RGS12: variants seen among roughly 807,000 people sequenced by gnomAD.
RGS12 encodes the protein regulator of G protein signaling 12, also known as regulator of G-protein signaling 12.
RGS12 carries 66 observed loss-of-function variants against 120.1 expected under a neutral mutation model. That is an observed-to-expected ratio of 0.55 (90% CI 0.45 to 0.67). The LOEUF (loss-of-function observed/expected upper bound fraction) is 0.67. Among genes scored for constraint, RGS12 ranks in the 30% least tolerant of loss-of-function variants. The probability of loss-of-function intolerance (pLI) is 0.00; values close to 1 mark genes in which losing one functional copy is unlikely to be tolerated. For synonymous variants in RGS12, 827 were observed against 804.7 expected (o/e 1.03, Z -0.47); for missense variants, 1,859 against 1,957.7 (o/e 0.95, Z 0.95).
chr4:3,439,627 C>A lies in RGS12; in HGVS notation c.4287C>A (p.Pro1429=). Residue 1429 remains proline (P), a synonymous_variant, in exon 18 of 18, where the codon CCC becomes CCA. Transcript: ENST00000336727. ...CATCAGACCTCCCTGGCTTGGGCCCCGTCCCGGGTGAGCCTGCTAAGCCCA... is the reference window on the plus strand; with the variant it reads ...CATCAGACCTCCCTGGCTTGGGCCCAGTCCCGGGTGAGCCTGCTAAGCCCA... ...PPTSDLPGLG[P]VPGEPAKPKT... 1 of 1,597,496 alleles carries A rather than the reference C, an allele frequency of 6.3e-7. No individual in the cohort carries two copies. The highest frequency in any genetic ancestry group is 1.1e-5 in the South Asian group (1 of 88,300).
At chr4:3,421,795 G>A (rs1723046659) in intron 10 of RGS12, among the ~76,000 whole-genome samples, 1 of 152,206 alleles carries the variant, frequency 6.6e-6, no homozygotes, top group Non-Finnish European at 1.5e-5. Flanking sequence ...CTCTTCATGG[G>A]AGGAGCCACA....
At chr4:3,309,999 AGGGGAACCGTGTGGG>A in intron 1 of RGS12, among the ~76,000 whole-genome samples, 1 of 126,610 alleles carries the variant, frequency 7.9e-6, no homozygotes. Flanking sequence ...GTGTCCGCTG[AGGGGAACCGTGTGGG>A]GGAGGAGCTG....
Position 3,316,395 on chromosome 4 carries a change from A to G in RGS12, c.225A>G (p.Ala75=). The part of the protein sequence containing the change: ...LAVNEINVKK[A]SHEDVVKLIG... ...TCAATGAAATCAACGTGAAAAAAGC[A>G]TCTCATGAAGATGTAGTGAAATTAA... is the stretch of plus-strand genomic sequence containing the variant. The change falls in exon 2 of 18, where the codon GCA becomes GCG. Residue 75 remains alanine, a synonymous_variant. Transcript: ENST00000336727. The G allele has an allele frequency of 1.2e-6, 2 of 1,614,026 alleles. No homozygotes were observed. The highest frequency in any genetic ancestry group is 1.7e-6 in the Non-Finnish European group (2 of 1,179,958).
At chr4:3,400,865 T>C (rs1271995352) in intron 4 of RGS12, among the ~76,000 whole-genome samples, 1 of 150,510 alleles carries the variant, frequency 6.6e-6, no homozygotes, top group Non-Finnish European at 1.5e-5. Context: ...AGTAATAGTA[T>C]ATATATTAGA....
intron 10 of RGS12, 149 bp downstream of exon 10, chr4:3,420,867 C>T: frequency 1.4e-6 from 1 of 732,902 alleles, no homozygotes; most frequent in Non-Finnish European, 2.2e-6. Context: ...CCGGCCCAGG[C>T]ACAGTGGCAA....
At chr4:3,405,498 G>A (rs1204865893) in intron 4 of RGS12, among the ~76,000 whole-genome samples, 2 of 152,200 alleles carry the variant, frequency 1.3e-5, no homozygotes, top group South Asian at 2.1e-4. Context: ...CCAGATGGAA[G>A]GAGACTGCAG....
intron 2 of RGS12, among the ~76,000 whole-genome samples, chr4:3,331,846 A>G (rs1297245909): frequency 6.6e-6 from 1 of 152,222 alleles, no homozygotes; most frequent in Non-Finnish European, 1.5e-5. Context: ...GAGGAGCCTC[A>G]TGGGCCTGCG....
the RGS12 span, among the ~76,000 whole-genome samples, chr4:3,286,979 G>T: frequency 7.9e-5 from 12 of 152,302 alleles, no homozygotes; most frequent in African/African-American, 2.9e-4. Flanking sequence ...CTATGATGGT[G>T]ATCTGGGACT....
At chr4:3,405,217 T>C (rs1720982653) in intron 4 of RGS12, among the ~76,000 whole-genome samples, 2 of 152,292 alleles carry the variant, frequency 1.3e-5, no homozygotes, top group African/African-American at 4.8e-5. Context: ...CTCGGGGTAG[T>C]TCTGCACGAA....
At chr4:3,435,332 T>A (rs1258997900) in intron 17 of RGS12, among the ~76,000 whole-genome samples, 2 of 151,960 alleles carry the variant, frequency 1.3e-5, no homozygotes, top group Non-Finnish European at 2.9e-5. Flanking sequence ...TCCTGCTCTG[T>A]CCAAGAGAGG....
chr4:3,391,206 A>G (rs1719462636), intron 4 of RGS12, among the ~76,000 whole-genome samples: 2 of 152,170 alleles, frequency 1.3e-5, no homozygotes, highest in South Asian at 4.1e-4. Context: ...CACACAGTGT[A>G]TTTGTAGGGT....
intron 16 of RGS12, 110 bp downstream of exon 16, chr4:3,428,821 C>T (rs1291606048): frequency 1.4e-5 from 13 of 937,652 alleles, no homozygotes; most frequent in Non-Finnish European, 1.8e-5. Context: ...TGCGGTCCGT[C>T]CCTGTGGCCT....
chr4:3,384,610 C>T (rs906189729), intron 3 of RGS12, among the ~76,000 whole-genome samples: 1 of 152,232 alleles, frequency 6.6e-6, no homozygotes, highest in Admixed American at 6.5e-5. Context: ...GGGCCAAGGG[C>T]CACATGGTGG....
chr4:3,305,450 G>A (rs909085744), intron 1 of RGS12, among the ~76,000 whole-genome samples: 7 of 152,090 alleles, frequency 4.6e-5, no homozygotes, highest in Admixed American at 2.6e-4. Flanking sequence ...TCAGAGTCCC[G>A]CGTCATCCTC....
chr4:3,348,214 A>C (rs1424651577), intron 3 of RGS12, among the ~76,000 whole-genome samples: 1 of 152,252 alleles, frequency 6.6e-6, no homozygotes, highest in Non-Finnish European at 1.5e-5. Context: ...CTATTAGATA[A>C]TAGTCATTCA....
chr4:3,420,767 C>G (rs763215128), intron 10 of RGS12, 49 bp downstream of exon 10: 2 of 1,458,256 alleles, frequency 1.4e-6, no homozygotes. Flanking sequence ...GTGTCCCCAC[C>G]AGCTGACTGA....
At chr4:3,381,490 C>G (rs917963103) in intron 3 of RGS12, among the ~76,000 whole-genome samples, 4 of 152,210 alleles carry the variant, frequency 2.6e-5, no homozygotes, top group African/African-American at 9.7e-5. Flanking sequence ...TTAATTGACT[C>G]ACAGTTCCAC....
intron 3 of RGS12, among the ~76,000 whole-genome samples, chr4:3,380,826 T>TG (rs1718184176): frequency 6.6e-6 from 1 of 152,222 alleles, no homozygotes; most frequent in South Asian, 2.1e-4. Flanking sequence ...AGGCCTGTGA[T>TG]GAGAGGGGCT....
At chr4:3,436,994 C>T (rs1244878014) in intron 17 of RGS12, among the ~76,000 whole-genome samples, 1 of 152,186 alleles carries the variant, frequency 6.6e-6, no homozygotes, top group Non-Finnish European at 1.5e-5. Context: ...AGGAGTGAGA[C>T]CAGGAGGCCA....
Sources: allele counts gnomAD v4.1 joint callset (sites outside exome capture counted in the v4.1 genomes callset), GRCh38; gene constraint gnomAD v4.1.1; transcripts MANE v1.5; gene names NCBI Gene and HGNC (gene_info 2026-07-23, HGNC 2026-07-21).